The following CCSER1 variants were observed in gnomAD, a reference collection of about 807,000 sequenced individuals.
CCSER1 encodes the protein serine-rich coiled-coil domain-containing protein 1.
In CCSER1, 41 loss-of-function variants were observed where a neutral mutation model predicts 82.0. That is an observed-to-expected ratio of 0.50 (90% CI 0.39 to 0.65). CCSER1 has a LOEUF of 0.65. Ranked by LOEUF, CCSER1 falls within the 30% of genes least tolerant of loss-of-function variation. The probability of loss-of-function intolerance (pLI) is 0.00; values close to 1 mark genes in which losing one functional copy is unlikely to be tolerated. For synonymous variants in CCSER1, 414 were observed against 383.9 expected, an observed-to-expected ratio of 1.08 and a Z score of -0.92; for missense variants, 1,119 against 1,064.2, an observed-to-expected ratio of 1.05 and a Z score of -0.72.
intron 5 of CCSER1, among the ~76,000 whole-genome samples, chr4:90,517,466 C>CT: frequency 6.6e-6 from 1 of 152,036 alleles, no homozygotes; most frequent in African/African-American, 2.4e-5. Context: ...GGTGTTGGTG[C>CT]CACAAACTGC....
intron 5 of CCSER1, among the ~76,000 whole-genome samples, chr4:90,523,291 A>G (rs1773358760): frequency 6.6e-6 from 1 of 152,176 alleles, no homozygotes; most frequent in Non-Finnish European, 1.5e-5. Flanking sequence ...CCAGACACAT[A>G]TCAGTCCAGT....
At chr4:91,082,800 A>C (rs1388495145) in intron 9 of CCSER1, among the ~76,000 whole-genome samples, 3 of 152,202 alleles carry the variant, frequency 2.0e-5, no homozygotes, top group African/African-American at 7.2e-5. Context: ...GCCAAAAGAC[A>C]CATGAAAAAA....
At chr4:90,414,230 G>A (rs1755452752) in intron 4 of CCSER1, among the ~76,000 whole-genome samples, 1 of 150,638 alleles carries the variant, frequency 6.6e-6, no homozygotes. Flanking sequence ...CATGATCTTG[G>A]CATTATCTAA....
chr4:91,029,892 T>C (rs1740821491), intron 9 of CCSER1, among the ~76,000 whole-genome samples: 2 of 152,166 alleles, frequency 1.3e-5, no homozygotes, highest in African/African-American at 4.8e-5. Flanking sequence ...GGCATTAAAT[T>C]CACACTGCTA....
At chr4:90,913,589 A>G (rs181239776) in intron 8 of CCSER1, among the ~76,000 whole-genome samples, 2 of 152,308 alleles carry the variant, frequency 1.3e-5, no homozygotes, top group East Asian at 3.9e-4. Context: ...TCAACTAACA[A>G]GAAAAATAAC....
chr4:91,495,815 T>C (rs1018766415), intron 10 of CCSER1, among the ~76,000 whole-genome samples: 1 of 151,656 alleles, frequency 6.6e-6, no homozygotes, highest in Non-Finnish European at 1.5e-5. Context: ...AAATTTTAAC[T>C]TTATTATAAA....
chr4:90,373,573 C>A (rs1747811194), intron 3 of CCSER1, among the ~76,000 whole-genome samples: 1 of 152,056 alleles, frequency 6.6e-6, no homozygotes, highest in Non-Finnish European at 1.5e-5. Flanking sequence ...TTAATTAGGT[C>A]ATTTATTTAG....
rs766909030 is a variant in CCSER1, at chr4:91,600,716, AG to A, written c.*1660del. On this transcript the variant is annotated 3_prime_UTR_variant, in exon 11 of 11. Coordinates refer to ENST00000509176, the MANE Select transcript of CCSER1 (RefSeq NM_001145065.2). ...TGCAAACTTAGATTGGAACTGATAA[AG>A]TAAGGAGTCGAGTGGATATGTTGTA... The A allele has an allele frequency of 1.3e-5, 2 of 152,186 alleles. No homozygotes were observed. Among genetic ancestry groups the A allele is most frequent in the Non-Finnish European group, 2.9e-5 (2 of 68,028 alleles). 9.4% of individuals were successfully genotyped at this position (152,186 alleles called of 1,614,324 possible). A position where few individuals can be genotyped will look rare whatever the true frequency, so the allele number is the denominator to read the frequency against.
At chr4:90,189,787 T>G (rs1735286333) in intron 1 of CCSER1, among the ~76,000 whole-genome samples, 1 of 152,006 alleles carries the variant, frequency 6.6e-6, no homozygotes, top group African/African-American at 2.4e-5. Flanking sequence ...ATTTTATCCC[T>G]GATATTTTCT....
chr4:91,169,000 C>T (rs1732470204), intron 10 of CCSER1, among the ~76,000 whole-genome samples: 1 of 151,978 alleles, frequency 6.6e-6, no homozygotes, highest in Non-Finnish European at 1.5e-5. Context: ...TTGAAGGCAG[C>T]ATGCTCCTTA....
chr4:90,745,752 T>C (rs527824953), intron 7 of CCSER1, among the ~76,000 whole-genome samples: 7 of 142,324 alleles, frequency 4.9e-5, no homozygotes, highest in South Asian at 2.3e-4. Flanking sequence ...TGCGGTGGCG[T>C]GATCTCGGCT....
chr4:90,718,017 T>C (rs1741962007), intron 6 of CCSER1, among the ~76,000 whole-genome samples: 1 of 151,820 alleles, frequency 6.6e-6, no homozygotes, highest in Non-Finnish European at 1.5e-5. Context: ...TTGACACGTC[T>C]AAAAAAAGAA....
At chr4:90,155,575 C>T (rs546131154) in intron 1 of CCSER1, among the ~76,000 whole-genome samples, 1 of 152,108 alleles carries the variant, frequency 6.6e-6, no homozygotes, top group Non-Finnish European at 1.5e-5. Flanking sequence ...TTGGTCTATT[C>T]AGAGATTCAA....
intron 8 of CCSER1, among the ~76,000 whole-genome samples, chr4:90,912,073 A>G (rs988018763): frequency 2.0e-5 from 3 of 152,220 alleles, no homozygotes; most frequent in Non-Finnish European, 4.4e-5. Context: ...GCCGAACAAA[A>G]GGCAGCAGAA....
chr4:91,278,609 G>A (rs1742659662), intron 10 of CCSER1, among the ~76,000 whole-genome samples: 1 of 151,852 alleles, frequency 6.6e-6, no homozygotes. Context: ...GGTCCTGTTT[G>A]TGTTTTGTTT....
chr4:90,542,172 A>G (rs1467587227), intron 5 of CCSER1, among the ~76,000 whole-genome samples: 2 of 152,112 alleles, frequency 1.3e-5, no homozygotes, highest in Admixed American at 6.6e-5. Context: ...AAAAAATTTA[A>G]AAGCCTTTTG....
chr4:90,203,712 TG>T (rs1202771362), intron 1 of CCSER1, among the ~76,000 whole-genome samples: 3 of 152,204 alleles, frequency 2.0e-5, no homozygotes, highest in African/African-American at 7.2e-5. Context: ...TACCAAGTAA[TG>T]GGATTGCTGG....
At chr4:90,593,263 A>T (rs1185479901) in intron 5 of CCSER1, among the ~76,000 whole-genome samples, 1 of 152,138 alleles carries the variant, frequency 6.6e-6, no homozygotes, top group Non-Finnish European at 1.5e-5. Flanking sequence ...AAATCCTGTG[A>T]TTCTAATGCC....
chr4:91,160,751 TG>T (rs1475538490), intron 10 of CCSER1, among the ~76,000 whole-genome samples: 16 of 151,796 alleles, frequency 1.1e-4, no homozygotes, highest in African/African-American at 3.6e-4. Flanking sequence ...TTGTTGTTGT[TG>T]TTGTTTTTTT....
Sources: allele counts gnomAD v4.1 joint callset (sites outside exome capture counted in the v4.1 genomes callset), GRCh38; gene constraint gnomAD v4.1.1; transcripts MANE v1.5; gene names NCBI Gene and HGNC (gene_info 2026-07-23, HGNC 2026-07-21).